Variants in NXPH1 observed in about 807,000 individuals in gnomAD.
NXPH1 encodes neurexophilin-1.
A neutral mutation model predicts 23.7 loss-of-function variants in NXPH1; 5 were observed. The observed-to-expected ratio is 0.21, with a 90% CI of 0.11 to 0.44. The LOEUF is 0.44. Among genes scored for constraint, NXPH1 ranks in the 20% least tolerant of loss-of-function variants. The probability of loss-of-function intolerance (pLI) is 0.99; values close to 1 mark genes in which losing one functional copy is unlikely to be tolerated. For synonymous variants in NXPH1, 144 were observed against 122.2 expected (o/e 1.18, Z -1.18); for missense variants, 324 against 321.6 (o/e 1.01, Z -0.06).
At chr7:8,587,623 T>C (rs183569081) in intron 2 of NXPH1, among the ~76,000 whole-genome samples, 1,854 of 152,262 alleles carry the variant, frequency 0.012, 23 homozygotes, top group South Asian at 0.057. Context: ...CTCCTAATGA[T>C]ATCCCTCCCC....
intron 2 of NXPH1, among the ~76,000 whole-genome samples, chr7:8,674,039 A>G (rs16874075): frequency 0.02 from 3,104 of 152,220 alleles, 65 homozygotes; most frequent in Middle Eastern, 0.048. Context: ...TTTGCAAATA[A>G]GATACAGTAT....
intron 2 of NXPH1, among the ~76,000 whole-genome samples, chr7:8,500,465 C>A (rs1216768705): frequency 2.0e-5 from 3 of 152,056 alleles, no homozygotes; most frequent in African/African-American, 7.2e-5. Flanking sequence ...AGGTTGCCAA[C>A]CTCTCTGTGA....
chr7:8,545,084 G>A (rs906118689), intron 2 of NXPH1, among the ~76,000 whole-genome samples: 1 of 151,522 alleles, frequency 6.6e-6, no homozygotes, highest in Non-Finnish European at 1.5e-5. Flanking sequence ...TGAGCAACAT[G>A]TTATCAAGCA....
At chr7:8,659,002 T>G (rs200923472) in intron 2 of NXPH1, among the ~76,000 whole-genome samples, 2 of 20,044 alleles carry the variant, frequency 1.0e-4, no homozygotes, top group African/African-American at 1.0e-4. Context: ...TATATATATA[T>G]ATATTTTTTT....
chr7:8,676,966 C>A lies in NXPH1; in HGVS notation c.55-74042C>A, dbSNP rs1260848669. Among the ~76,000 whole-genome samples, 10 of 152,322 alleles carry A rather than the reference C, an allele frequency of 6.6e-5. 1 individual carries two copies. The South Asian group carries it at 1.5e-3, about 22-fold the overall frequency. On this transcript the variant is annotated intron_variant, in intron 2 of 2. Coordinates refer to ENST00000405863, the MANE Select transcript of NXPH1 (RefSeq NM_152745.3). ...ATGCTAACCCTGCTACAAATTTACA[C>A]TGTTCAGCAAATACTGGGTCTCTAT...
chr7:8,671,780 G>T (rs1820872501), intron 2 of NXPH1, among the ~76,000 whole-genome samples: 1 of 152,282 alleles, frequency 6.6e-6, no homozygotes, highest in African/African-American at 2.4e-5. Context: ...AGGATGGAAT[G>T]AAATAATAAG....
chr7:8,504,116 A>T (rs917379936), intron 2 of NXPH1, among the ~76,000 whole-genome samples: 4 of 151,988 alleles, frequency 2.6e-5, no homozygotes, highest in African/African-American at 7.2e-5. Flanking sequence ...TGTGTGTCCA[A>T]TGTCACCCAT....
intron 2 of NXPH1, among the ~76,000 whole-genome samples, chr7:8,736,888 C>G (rs553992167): frequency 1.6e-3 from 242 of 151,526 alleles, no homozygotes; most frequent in African/African-American, 5.3e-3. Context: ...TCATGCCCTT[C>G]TTTGTCTTTT....
At chr7:8,440,686 G>A (rs913157645) in intron 2 of NXPH1, among the ~76,000 whole-genome samples, 10 of 151,864 alleles carry the variant, frequency 6.6e-5, no homozygotes, top group African/African-American at 2.4e-4. Flanking sequence ...GGGCATTTGA[G>A]TGCCGAAAGC....
chr7:8,676,761 C>T (rs1342022534), intron 2 of NXPH1, among the ~76,000 whole-genome samples: 4 of 152,098 alleles, frequency 2.6e-5, no homozygotes, highest in African/African-American at 9.7e-5. Context: ...CATTATGACA[C>T]AGGGCTTAAA....
At chr7:8,443,195 G>A (rs959073668) in intron 2 of NXPH1, among the ~76,000 whole-genome samples, 23 of 152,356 alleles carry the variant, frequency 1.5e-4, no homozygotes, top group Non-Finnish European at 2.4e-4. Context: ...AGCATGACCT[G>A]CGGTCAGAAA....
At chr7:8,703,019 C>T (rs1779650665) in intron 2 of NXPH1, among the ~76,000 whole-genome samples, 1 of 152,126 alleles carries the variant, frequency 6.6e-6, no homozygotes, top group South Asian at 2.1e-4. Context: ...ATAGAGGGCA[C>T]ATGAGGAGGC....
intron 2 of NXPH1, among the ~76,000 whole-genome samples, chr7:8,732,969 C>G (rs1780184381): frequency 6.6e-6 from 1 of 152,104 alleles, no homozygotes; most frequent in Non-Finnish European, 1.5e-5. Context: ...TGGTGGTTTG[C>G]TGTACCCATC....
In NXPH1 at chr7:8,434,556, TC is replaced by T. The variant is rs1250346091; in HGVS notation, c.-308del. On this transcript the variant is annotated 5_prime_UTR_variant, in exon 1 of 3. Coordinates refer to ENST00000405863, the MANE Select transcript of NXPH1 (RefSeq NM_152745.3). The surrounding 1 kb of genome is among the most constrained non-coding windows in gnomAD (Gnocchi z 7.6). The stretch of plus-strand genomic sequence containing the variant: ...CCAAGCCTTGGCTCCCGCGAACCAA[TC>T]CTGAGCGCGACCCGGGCACTGGGAC... 6.5e-6 allele frequency: 1 copy of T among 152,714 alleles called. No homozygotes were observed. Among genetic ancestry groups the T allele is most frequent in the African/African-American group, 2.4e-5 (1 of 41,424 alleles). The allele number at this position is 152,714 out of a possible 1,614,324, so 9.5% of individuals were successfully genotyped here. A position where few individuals can be genotyped will look rare whatever the true frequency, so the allele number is the denominator to read the frequency against.
intron 2 of NXPH1, among the ~76,000 whole-genome samples, chr7:8,602,787 G>T (rs1819389274): frequency 6.6e-6 from 1 of 152,044 alleles, no homozygotes. Context: ...TCATGTTCCT[G>T]TTGGCTGGGG....
intron 2 of NXPH1, among the ~76,000 whole-genome samples, chr7:8,581,185 C>CT (rs768661296): frequency 1.4e-4 from 22 of 152,188 alleles, no homozygotes; most frequent in East Asian, 1.9e-4. Flanking sequence ...CCTGTTCTTC[C>CT]TTTTTTTAAA....
chr7:8,749,169 TC>T (rs1354374644), intron 2 of NXPH1, among the ~76,000 whole-genome samples: 1 of 152,220 alleles, frequency 6.6e-6, no homozygotes, highest in Non-Finnish European at 1.5e-5. Flanking sequence ...AGCTTAGTAT[TC>T]ACAATAATAG....
chr7:8,520,129 A>G (rs887761189), intron 2 of NXPH1, among the ~76,000 whole-genome samples: 1 of 152,206 alleles, frequency 6.6e-6, no homozygotes, highest in African/African-American at 2.4e-5. Flanking sequence ...AAACTCCTTG[A>G]TCATGTGTCA....
At chr7:8,635,800 TA>T (rs1462269821) in intron 2 of NXPH1, among the ~76,000 whole-genome samples, 1 of 152,212 alleles carries the variant, frequency 6.6e-6, no homozygotes, top group Non-Finnish European at 1.5e-5. Context: ...TTTTGACAAT[TA>T]AAAAAGTTTG....
Sources: gnomAD v4.1 joint callset for allele counts (sites outside exome capture counted in the v4.1 genomes callset) on GRCh38, gnomAD v4.1.1 for gene constraint, Gnocchi (gnomAD v3.1) non-coding constraint, MANE v1.5 for transcripts, NCBI Gene and HGNC (gene_info 2026-07-23, HGNC 2026-07-21) for gene names.